KCNC1: variants seen among roughly 807,000 people sequenced by gnomAD.
KCNC1 encodes the protein voltage-gated potassium channel KCNC1.
Under a neutral mutation model 43.4 loss-of-function variants are expected in KCNC1, and 8 were observed. The observed-to-expected ratio is 0.18, with a 90% confidence interval of 0.11 to 0.33. The LOEUF (loss-of-function observed/expected upper bound fraction) is 0.33. KCNC1 is among the 10% of genes least tolerant of loss of function. The probability of loss-of-function intolerance (pLI) is 1.00; values close to 1 mark genes in which losing one functional copy is unlikely to be tolerated. For synonymous variants in KCNC1, 361 were observed against 360.5 expected, an observed-to-expected ratio of 1.00 and a Z score of -0.01; for missense variants, 420 against 836.0, an observed-to-expected ratio of 0.50 and a Z score of 6.14.
In KCNC1 at chr11:17,771,845, G is replaced by T; in HGVS notation, c.751G>T (p.Val251Phe). 5.6e-6 allele frequency: 9 copies of T among 1,614,172 alleles called. No homozygotes were observed. Among genetic ancestry groups the T allele is most frequent in the Non-Finnish European group, 7.6e-6 (9 of 1,179,970 alleles). Residue 251 changes from valine to phenylalanine, a missense_variant, in exon 2 of 4, where the codon GTC (valine) becomes TTC (phenylalanine). Coordinates refer to ENST00000265969, the MANE Select transcript of KCNC1 (RefSeq NM_001112741.2). The surrounding 1 kb of genome is among the most constrained non-coding windows in gnomAD (Gnocchi z 4.7). The stretch of plus-strand genomic sequence containing the variant: ...GGCCTTCCTTACCTACATCGAGGGC[G>T]TCTGTGTGGTCTGGTTCACCTTCGA... ...TEAFLTYIEGVCVVWFTFEFL... is the reference protein window; with the variant it reads ...TEAFLTYIEGFCVVWFTFEFL...
At position 17,735,932 on chromosome 11, in the gene KCNC1, G is replaced by A. The variant is rs1473824902; in HGVS notation, c.-71G>A. ...GAAGAGGGCGCGCGCCCCCCTCCCCGGCGCCAACTCCCCCTGGCGGCCGCT... is the reference window on the plus strand; with the variant it reads ...GAAGAGGGCGCGCGCCCCCCTCCCCAGCGCCAACTCCCCCTGGCGGCCGCT... On this transcript the variant is annotated 5_prime_UTR_variant, in exon 1 of 4. Coordinates refer to ENST00000265969, the MANE Select transcript of KCNC1 (RefSeq NM_001112741.2). This position sits in a 1 kb window ranked among gnomAD's most constrained non-coding sequence, Gnocchi z 6.7. The A allele has an allele frequency of 1.5e-6, 2 of 1,376,898 alleles. No homozygotes were observed. Among genetic ancestry groups the A allele is most frequent in the East Asian group, 5.9e-5 (2 of 33,776 alleles). 85.3% of individuals were successfully genotyped at this position (1,376,898 alleles called of 1,614,324 possible).
At chr11:17,764,687 C>A (rs951055318) in intron 1 of KCNC1, among the ~76,000 whole-genome samples, 1 of 152,194 alleles carries the variant, frequency 6.6e-6, no homozygotes, top group African/African-American at 2.4e-5. Context: ...CCAGACGCTG[C>A]GCTCGGGGGC....
rs1849322367 is a variant in KCNC1 at position 17,779,480 on chromosome 11, C to T, written c.1529C>T (p.Ala510Val). The change falls in exon 3 of 4, where the codon GCG (alanine) becomes GTG (valine). Residue 510 changes from alanine to valine, a missense_variant. Ala to Val is a moderately conservative substitution (Grantham distance 64). Around this residue, in one of 5 missense-constraint regions of KCNC1, gnomAD observed 147 missense variants for 176.1 expected, o/e 0.83. Transcript: ENST00000265969. This position sits in a 1 kb window ranked among gnomAD's most constrained non-coding sequence, Gnocchi z 7.2. ...GATTCCAAACTGAATGGGGAGGTGGCGAAGGCCGCGCTGGCGAACGAAGAC... is the reference window on the plus strand; with the variant it reads ...GATTCCAAACTGAATGGGGAGGTGGTGAAGGCCGCGCTGGCGAACGAAGAC... ...RADSKLNGEV[A>V]KAALANEDCP... The T allele has an allele frequency of 6.5e-7, 1 of 1,548,914 alleles. No homozygotes were observed. The highest frequency in any genetic ancestry group is 8.7e-7 in the Non-Finnish European group (1 of 1,145,936).
chr11:17,781,966 A>AG lies in KCNC1; in HGVS notation c.*239dup, dbSNP rs930375990. The AG allele has an allele frequency of 5.4e-5, 20 of 370,026 alleles. No individual in the cohort carries two copies. Among genetic ancestry groups the AG allele is most frequent in the South Asian group, 1.6e-4 (3 of 18,522 alleles). 22.9% of individuals were successfully genotyped at this position (370,026 alleles called of 1,614,324 possible). Reference sequence around the variant, plus strand: ...TTTTAAAATTTTATTTTATTTGGGGAGGGGGGGTGGAGGGGCTCCTTAGCA... The same window carrying AG: ...TTTTAAAATTTTATTTTATTTGGGGAGGGGGGGGTGGAGGGGCTCCTTAGCA... On this transcript the variant is annotated 3_prime_UTR_variant, in exon 4 of 4. Coordinates refer to ENST00000265969, the MANE Select transcript of KCNC1 (RefSeq NM_001112741.2). The surrounding 1 kb of genome is among the most constrained non-coding windows in gnomAD (Gnocchi z 5.1).
chr11:17,778,510 T>G (rs1590109412), intron 2 of KCNC1, among the ~76,000 whole-genome samples: 1 of 152,352 alleles, frequency 6.6e-6, no homozygotes, highest in South Asian at 2.1e-4. Context: ...CATGCATACA[T>G]CCTTGTTGTG....
At chr11:17,766,173 T>C (rs1432330010) in intron 1 of KCNC1, among the ~76,000 whole-genome samples, 1 of 152,198 alleles carries the variant, frequency 6.6e-6, no homozygotes, top group African/African-American at 2.4e-5. Flanking sequence ...GTGCCGAGTG[T>C]GTATGCACGA....
At chr11:17,743,183 G>C (rs1029244935) in intron 1 of KCNC1, among the ~76,000 whole-genome samples, 2 of 152,226 alleles carry the variant, frequency 1.3e-5, no homozygotes, top group Non-Finnish European at 2.9e-5. Flanking sequence ...CAAGGCTGCA[G>C]AGGCTCAATG....
intron 1 of KCNC1, among the ~76,000 whole-genome samples, chr11:17,767,818 A>C (rs548931598): frequency 1.3e-5 from 2 of 152,160 alleles, no homozygotes; most frequent in Non-Finnish European, 2.9e-5. Flanking sequence ...GTGTCTTTGC[A>C]CCTGGACCTG....
chr11:17,776,901 C>T lies in KCNC1; in HGVS notation c.1505-2555C>T. ...TCTTAAACCATAGATAGACGAACAGCCCAGGGGCCTGGGCCCCTTCACAGA... is the reference window on the plus strand; with the variant it reads ...TCTTAAACCATAGATAGACGAACAGTCCAGGGGCCTGGGCCCCTTCACAGA... On this transcript the variant is annotated intron_variant, in intron 2 of 3. Transcript: ENST00000265969. This position sits in a 1 kb window ranked among gnomAD's most constrained non-coding sequence, Gnocchi z 4.4. The T allele has an allele frequency of 2.0e-6, 2 of 985,350 alleles. No individual in the cohort carries two copies. The highest frequency in any genetic ancestry group is 2.4e-6 in the Non-Finnish European group (2 of 829,940). 61.0% of individuals were successfully genotyped at this position (985,350 alleles called of 1,614,324 possible).
Position 17,742,542 on chromosome 11 carries a change from C to G in KCNC1, c.570+5970C>G, listed in dbSNP as rs772635846. ...TGGCTACCACCCCAGCGTGAGCTCC[C>G]CTCTGCTAGGTGCAAGGTTAGAGGA... On this transcript the variant is annotated intron_variant, in intron 1 of 3. Transcript: ENST00000265969. This position sits in a 1 kb window ranked among gnomAD's most constrained non-coding sequence, Gnocchi z 4.2. 5.9e-5 allele frequency among the ~76,000 whole-genome samples: 9 copies of G among 152,230 alleles called. No homozygotes were observed. Among genetic ancestry groups the G allele is most frequent in the Non-Finnish European group, 1.3e-4 (9 of 68,046 alleles).
At chr11:17,767,818 A>G (rs548931598) in intron 1 of KCNC1, among the ~76,000 whole-genome samples, 301 of 152,278 alleles carry the variant, frequency 2.0e-3, no homozygotes, top group Non-Finnish European at 3.5e-3. Context: ...GTGTCTTTGC[A>G]CCTGGACCTG....
rs918487694 is a variant in KCNC1 at position 17,770,357 on chromosome 11, G to T, written c.571-1308G>T. Among the ~76,000 whole-genome samples, 8 of 152,364 alleles carry T rather than the reference G, an allele frequency of 5.3e-5. No individual in the cohort carries two copies. The East Asian group carries it at 1.2e-3, about 22-fold the overall frequency. Reference sequence around the variant, plus strand: ...GGCAGGGAGAAGGGGGACCCAAAAGGGTGGGGTGCAGTGAGGACATGCAGG... The same window carrying T: ...GGCAGGGAGAAGGGGGACCCAAAAGTGTGGGGTGCAGTGAGGACATGCAGG... On this transcript the variant is annotated intron_variant, in intron 1 of 3. Transcript: ENST00000265969.
intron 1 of KCNC1, among the ~76,000 whole-genome samples, chr11:17,748,284 A>T (rs1848924924): frequency 6.6e-6 from 1 of 152,114 alleles, no homozygotes; most frequent in Non-Finnish European, 1.5e-5. Context: ...AGGAAGTGAG[A>T]TGTGCAAAAG....
At chr11:17,769,950 C>G (rs1458695738) in intron 1 of KCNC1, among the ~76,000 whole-genome samples, 1 of 152,228 alleles carries the variant, frequency 6.6e-6, no homozygotes, top group African/African-American at 2.4e-5. Flanking sequence ...ACAGGCTACT[C>G]TCACTCTGTC....
Position 17,779,475 on chromosome 11 carries a change from G to A in KCNC1, c.1524G>A (p.Glu508=), listed in dbSNP as rs767680364. Residue 508 remains glutamate (E), a synonymous_variant, in exon 3 of 4, where the codon GAG becomes GAA. Transcript: ENST00000265969. The surrounding 1 kb of genome is among the most constrained non-coding windows in gnomAD (Gnocchi z 7.2). ...TTGAAGATTCCAAACTGAATGGGGA[G>A]GTGGCGAAGGCCGCGCTGGCGAACG... ...INRADSKLNG[E]VAKAALANED... is the part of the protein sequence containing the mutation. 45 of 1,548,684 alleles carry A rather than the reference G, an allele frequency of 2.9e-5. No homozygotes were observed. Among genetic ancestry groups the A allele is most frequent in the Non-Finnish European group, 2.4e-5 (27 of 1,145,870 alleles).
rs1042989041 is a variant in KCNC1, at chr11:17,781,514, C to T, written c.1694-156C>T. On this transcript the variant is annotated intron_variant, in intron 3 of 3. Coordinates refer to ENST00000265969, the MANE Select transcript of KCNC1 (RefSeq NM_001112741.2). The surrounding 1 kb of genome is among the most constrained non-coding windows in gnomAD (Gnocchi z 5.1). The stretch of plus-strand genomic sequence containing the variant: ...GAGAAAGAGGCGTGCTAGGCTGGCT[C>T]AGTGCATGGGCAAACCAAGCCAGCT... The T allele has an allele frequency of 3.3e-6, 2 of 612,996 alleles. No individual in the cohort carries two copies. The highest frequency in any genetic ancestry group is 1.8e-5 in the African/African-American group (1 of 54,370). 38.0% of individuals were successfully genotyped at this position (612,996 alleles called of 1,614,324 possible). A position where few individuals can be genotyped will look rare whatever the true frequency, so the allele number is the denominator to read the frequency against.
chr11:17,775,543 G>A (rs1565163815), intron 2 of KCNC1: 3 of 985,564 alleles, frequency 3.0e-6, no homozygotes, highest in Non-Finnish European at 3.6e-6. Context: ...ATTGCCTAGG[G>A]CTGAGGGGCC....
rs1468379227 is a variant in KCNC1, at chr11:17,779,622, A to G, written c.1671A>G (p.Pro557=). ...FLLSTGEYAC[P]PGGGMRKDLC... is the part of the protein sequence containing the mutation. ...TATCAACCGGGGAGTACGCGTGCCC[A>G]CCTGGTGGAGGAATGAGAAAGGGTA... Residue 557 remains proline, a synonymous_variant, in exon 3 of 4, where the codon CCA becomes CCG. Transcript: ENST00000265969. The surrounding 1 kb of genome is among the most constrained non-coding windows in gnomAD (Gnocchi z 7.2). The G allele has an allele frequency of 6.5e-7, 1 of 1,548,566 alleles. No homozygotes were observed. Among genetic ancestry groups the G allele is most frequent in the East Asian group, 2.5e-5 (1 of 40,766 alleles).
In KCNC1 at chr11:17,752,418, T is replaced by C. The variant is rs117332966; in HGVS notation, c.570+15846T>C. ...TTACAGTCACGGCTGCAGCTAAGTA[T>C]AGCTCCAGCACACACAAGACTAAGA... On this transcript the variant is annotated intron_variant, in intron 1 of 3. Coordinates refer to ENST00000265969, the MANE Select transcript of KCNC1 (RefSeq NM_001112741.2). Among the ~76,000 whole-genome samples the C allele has an allele frequency of 6.3e-3, 958 of 152,292 alleles. 12 individuals carry two copies. The highest frequency in any genetic ancestry group is 8.9e-3 in the Non-Finnish European group (607 of 68,024).
Sources: allele counts gnomAD v4.1 joint callset (sites outside exome capture counted in the v4.1 genomes callset), GRCh38; gene constraint gnomAD v4.1.1; regional missense constraint gnomAD v4.1.1; non-coding constraint Gnocchi (gnomAD v3.1); transcripts MANE v1.5; gene names NCBI Gene and HGNC (gene_info 2026-07-23, HGNC 2026-07-21).